The following MAP3K13 variants were observed in gnomAD, a reference collection of about 807,000 sequenced individuals.
MAP3K13 encodes mitogen-activated protein kinase kinase kinase 13.
In MAP3K13, 52 loss-of-function variants were observed where a neutral mutation model predicts 104.0. The ratio of observed to expected loss-of-function variants is 0.50; its 90% CI spans 0.40 to 0.63. The LOEUF is 0.63. Ranked by LOEUF, MAP3K13 falls within the 20% of genes least tolerant of loss-of-function variation. The probability of loss-of-function intolerance (pLI) is 0.00; values close to 1 mark genes in which losing one functional copy is unlikely to be tolerated. For missense variants in MAP3K13, 914 were observed against 1,218.5 expected, an observed-to-expected ratio of 0.75 and a Z score of 3.72; for synonymous variants, 394 against 442.2, an observed-to-expected ratio of 0.89 and a Z score of 1.37.
chr3:185,465,879 A>C lies in MAP3K13; in HGVS notation c.1505+16A>C. 1.3e-6 allele frequency: 2 copies of C among 1,550,838 alleles called. No individual in the cohort carries two copies. ...AGCTCATTAAGTATGTATCCAGACTAGTGTCTGTTCTTACTGATTTGAGTC... is the reference window on the plus strand; with the variant it reads ...AGCTCATTAAGTATGTATCCAGACTCGTGTCTGTTCTTACTGATTTGAGTC... On this transcript the variant is annotated intron_variant, in intron 9 of 13. Coordinates refer to ENST00000265026, the MANE Select transcript of MAP3K13 (RefSeq NM_004721.5).
intron 2 of MAP3K13, among the ~76,000 whole-genome samples, chr3:185,307,546 C>CCCCCCCCCCCCCCCCCCCA (rs58408265): frequency 9.6e-6 from 1 of 103,978 alleles, no homozygotes; most frequent in Non-Finnish European, 1.8e-5. Flanking sequence ...GCACCACCCC[C>CCCCCCCCCCCCCCCCCCCA]TCCCCCGCCA....
intron 1 of MAP3K13, among the ~76,000 whole-genome samples, chr3:185,405,012 A>G (rs1713032887): frequency 6.6e-6 from 1 of 152,214 alleles, no homozygotes; most frequent in Non-Finnish European, 1.5e-5. Context: ...AATGTATAAA[A>G]TTGTAAGTTC....
At chr3:185,372,622 A>T (rs1397040445) in intron 1 of MAP3K13, among the ~76,000 whole-genome samples, 1 of 152,176 alleles carries the variant, frequency 6.6e-6, no homozygotes, top group Non-Finnish European at 1.5e-5. Context: ...GATGATAAGG[A>T]TTTCTTTTAA....
intron 1 of MAP3K13, among the ~76,000 whole-genome samples, chr3:185,370,830 G>A (rs1211862233): frequency 6.6e-6 from 1 of 150,628 alleles, no homozygotes; most frequent in African/African-American, 2.4e-5. Flanking sequence ...TAATCCAGTA[G>A]CCTCAGTTTG....
At chr3:185,471,513 G>A (rs1717788104) in intron 10 of MAP3K13, among the ~76,000 whole-genome samples, 1 of 137,798 alleles carries the variant, frequency 7.3e-6, no homozygotes, top group Non-Finnish European at 1.5e-5. Flanking sequence ...AGGCTGGAGT[G>A]CAGTGGCACG....
intron 1 of MAP3K13, among the ~76,000 whole-genome samples, chr3:185,283,455 T>A (rs1577390639): frequency 6.6e-6 from 1 of 152,092 alleles, no homozygotes; most frequent in East Asian, 1.9e-4. Context: ...CAAGTAGGCA[T>A]GCTTTAGATG....
At chr3:185,287,468 C>T (rs1030877493) in intron 2 of MAP3K13, among the ~76,000 whole-genome samples, 1 of 152,184 alleles carries the variant, frequency 6.6e-6, no homozygotes, top group Non-Finnish European at 1.5e-5. Context: ...GGCTGATTAT[C>T]TGCCTTGGGA....
intron 2 of MAP3K13, among the ~76,000 whole-genome samples, chr3:185,431,358 C>G (rs1041597728): frequency 3.9e-5 from 6 of 152,162 alleles, no homozygotes; most frequent in Non-Finnish European, 7.3e-5. Flanking sequence ...AAGCAATCCC[C>G]TAGTGCTCAA....
intron 7 of MAP3K13, among the ~76,000 whole-genome samples, chr3:185,454,994 T>C (rs1476890953): frequency 4.6e-5 from 2 of 43,720 alleles, no homozygotes; most frequent in African/African-American, 1.1e-4. Context: ...ATGAGATATA[T>C]ATGATATATA....
chr3:185,475,579 C>T (rs13075511), intron 11 of MAP3K13, among the ~76,000 whole-genome samples: 15,650 of 152,158 alleles, frequency 0.1, 1,172 homozygotes, highest in East Asian at 0.39. Flanking sequence ...GGGGTGGCCG[C>T]GGTGGCTCAC....
chr3:185,478,015 T>C (rs762336289), intron 12 of MAP3K13, among the ~76,000 whole-genome samples: 4 of 152,188 alleles, frequency 2.6e-5, no homozygotes, highest in Non-Finnish European at 5.9e-5. Context: ...AGAGGGTCTA[T>C]CTAGATACAA....
At position 185,466,787 on chromosome 3, in the gene MAP3K13, T is replaced by C. The variant is rs372127960; in HGVS notation, c.1506-39T>C. On this transcript the variant is annotated intron_variant, in intron 9 of 13. Coordinates refer to ENST00000265026, the MANE Select transcript of MAP3K13 (RefSeq NM_004721.5). ...AAATATTCTGCCTATCCTTTCTGTC[T>C]GCAATGACTGAGGTGTGGCTTTTGC... is the stretch of plus-strand genomic sequence containing the variant. 5 of 1,612,608 alleles carry C rather than the reference T, an allele frequency of 3.1e-6. No individual in the cohort carries two copies. The African/African-American group carries it at 5.3e-5, about 17-fold the overall frequency.
At chr3:185,446,860 G>A (rs1196786358) in intron 4 of MAP3K13, among the ~76,000 whole-genome samples, 1 of 152,164 alleles carries the variant, frequency 6.6e-6, no homozygotes, top group Non-Finnish European at 1.5e-5. Flanking sequence ...ATTGATAACG[G>A]TGCCTTATGT....
At chr3:185,329,037 A>T (rs902445435) in intron 2 of MAP3K13, 5 of 494,194 alleles carry the variant, frequency 1.0e-5, no homozygotes, top group African/African-American at 9.5e-5. Context: ...TTTCCATCAA[A>T]GATTAAATCA....
At chr3:185,406,304 G>A (rs1713111650) in intron 1 of MAP3K13, among the ~76,000 whole-genome samples, 1 of 152,178 alleles carries the variant, frequency 6.6e-6, no homozygotes, top group South Asian at 2.1e-4. Context: ...GTACTGCCAT[G>A]TCAAGAAAAG....
intron 3 of MAP3K13, among the ~76,000 whole-genome samples, chr3:185,442,842 A>G (rs1009316781): frequency 6.6e-6 from 1 of 150,692 alleles, no homozygotes; most frequent in African/African-American, 2.4e-5. Flanking sequence ...CCAAATTATT[A>G]TTATTTTTTA....
At chr3:185,291,435 C>T (rs1453645948) in intron 2 of MAP3K13, among the ~76,000 whole-genome samples, 1 of 152,144 alleles carries the variant, frequency 6.6e-6, no homozygotes, top group Non-Finnish European at 1.5e-5. Flanking sequence ...ATTTTGTCTA[C>T]TGTACCTTTT....
upstream of MAP3K13, among the ~76,000 whole-genome samples, chr3:185,361,099 TGTGTG>T (rs869160832): frequency 2.0e-4 from 2 of 9,890 alleles, no homozygotes; most frequent in Non-Finnish European, 1.5e-3. Context: ...TATATATATA[TGTGTG>T]TGTGTGTGTG....
At chr3:185,314,725 C>CCCTCCTGCCTCAAGTGAT (rs1046288967) in intron 2 of MAP3K13, among the ~76,000 whole-genome samples, 1 of 152,090 alleles carries the variant, frequency 6.6e-6, no homozygotes, top group Non-Finnish European at 1.5e-5. Flanking sequence ...GCTCAGGTGA[C>CCCTCCTGCCTCAAGTGAT]CCTCCTGCCT....
Sources: allele counts gnomAD v4.1 joint callset (sites outside exome capture counted in the v4.1 genomes callset), GRCh38; gene constraint gnomAD v4.1.1; transcripts MANE v1.5; gene names NCBI Gene and HGNC (gene_info 2026-07-23, HGNC 2026-07-21).